The following ZBTB7C variants were observed in gnomAD, a reference collection of about 807,000 sequenced individuals.
ZBTB7C encodes the protein zinc finger and BTB domain-containing protein 7C.
In ZBTB7C, 8 loss-of-function variants were observed where a neutral mutation model predicts 25.7. The ratio of observed to expected loss-of-function variants is 0.31; its 90% CI spans 0.18 to 0.56. The LOEUF (loss-of-function observed/expected upper bound fraction) is 0.56, where lower values mean the gene tolerates loss of function less well. ZBTB7C is among the 20% of genes least tolerant of loss of function. ZBTB7C has a pLI of 0.91. For synonymous variants in ZBTB7C, 394 were observed against 369.0 expected (o/e 1.07, Z -0.78); for missense variants, 824 against 855.2 (o/e 0.96, Z 0.46).
chr18:48,108,081 C>A (rs191831885), intron 3 of ZBTB7C, among the ~76,000 whole-genome samples: 100 of 152,296 alleles, frequency 6.6e-4, no homozygotes, highest in Non-Finnish European at 1.2e-3. Context: ...TGAGGCTGGT[C>A]TCCCAAGAGA....
At chr18:48,354,177 G>A (rs1018242789) in intron 1 of ZBTB7C, among the ~76,000 whole-genome samples, 9 of 152,148 alleles carry the variant, frequency 5.9e-5, no homozygotes, top group African/African-American at 2.2e-4. Flanking sequence ...GGTTTTTGTC[G>A]TTTTGTGGTT....
At chr18:48,125,979 G>A (rs1055291375) in intron 3 of ZBTB7C, among the ~76,000 whole-genome samples, 10 of 152,230 alleles carry the variant, frequency 6.6e-5, no homozygotes, top group Non-Finnish European at 5.9e-5. Context: ...GGCAGGGTCA[G>A]TAGAGAAGCA....
At chr18:48,332,400 T>A (rs1258066777) in intron 2 of ZBTB7C, among the ~76,000 whole-genome samples, 1 of 152,178 alleles carries the variant, frequency 6.6e-6, no homozygotes, top group African/African-American at 2.4e-5. Flanking sequence ...TGTCCTCCCT[T>A]TCACATGGCA....
At chr18:48,180,386 C>T (rs1229888339) in intron 3 of ZBTB7C, 1 of 456,402 alleles carries the variant, frequency 2.2e-6, no homozygotes, top group South Asian at 1.5e-5. Context: ...CTGGTGATTA[C>T]CACGGTAATC....
intron 2 of ZBTB7C, among the ~76,000 whole-genome samples, chr18:48,223,220 T>C (rs11874677): frequency 1.1e-4 from 16 of 152,224 alleles, no homozygotes; most frequent in African/African-American, 3.9e-4. Flanking sequence ...GACCCAGGAA[T>C]CTGGAGACCT....
chr18:48,180,389 C>T (rs545948459), intron 3 of ZBTB7C: 148 of 456,306 alleles, frequency 3.2e-4, no homozygotes, highest in African/African-American at 2.5e-3. Flanking sequence ...GTGATTACCA[C>T]GGTAATCAGG....
At position 48,332,385 on chromosome 18, in the gene ZBTB7C, T is replaced by C. The variant is rs187641170; in HGVS notation, c.-79+5789A>G. On this transcript the variant is annotated intron_variant, in intron 2 of 4. Coordinates refer to ENST00000590800, the MANE Select transcript of ZBTB7C (RefSeq NM_001318841.2). ...CATGGCAAGAAAACATTATGGTCGG[T>C]GCAGTGTCCTCCCTTTCACATGGCA... Among the ~76,000 whole-genome samples the C allele has an allele frequency of 2.4e-4, 37 of 152,324 alleles. No individual in the cohort carries two copies. In the East Asian group the frequency reaches 7.1e-3, roughly 29 times the overall value.
chr18:48,174,714 G>A (rs1380092483), intron 3 of ZBTB7C, among the ~76,000 whole-genome samples: 1 of 152,214 alleles, frequency 6.6e-6, no homozygotes, highest in Non-Finnish European at 1.5e-5. Context: ...AAAGAGTGAG[G>A]AAGACCTCTA....
At chr18:48,370,473 T>C (rs1024310494) in intron 1 of ZBTB7C, among the ~76,000 whole-genome samples, 1 of 152,194 alleles carries the variant, frequency 6.6e-6, no homozygotes, top group African/African-American at 2.4e-5. Context: ...AGAATCCTTG[T>C]AGTGATGAAA....
At chr18:48,342,832 T>C (rs2046636613) in intron 1 of ZBTB7C, among the ~76,000 whole-genome samples, 1 of 152,098 alleles carries the variant, frequency 6.6e-6, no homozygotes, top group African/African-American at 2.4e-5. Context: ...GGGAGGTGCT[T>C]TCAAGTGTTG....
At chr18:48,400,201 C>T (rs1434798122) in intron 1 of ZBTB7C, among the ~76,000 whole-genome samples, 1 of 152,190 alleles carries the variant, frequency 6.6e-6, no homozygotes, top group Non-Finnish European at 1.5e-5. Flanking sequence ...TATAAATGGT[C>T]CAGACAGAAC....
At chr18:48,059,649 CT>C (rs2037051202) in intron 3 of ZBTB7C, among the ~76,000 whole-genome samples, 1 of 152,214 alleles carries the variant, frequency 6.6e-6, no homozygotes, top group African/African-American at 2.4e-5. Context: ...GCCCCACACC[CT>C]TTTCAAAGAT....
At chr18:48,308,526 G>T (rs2045735330) in intron 2 of ZBTB7C, among the ~76,000 whole-genome samples, 1 of 152,088 alleles carries the variant, frequency 6.6e-6, no homozygotes, top group Non-Finnish European at 1.5e-5. Context: ...TACTAGGCTG[G>T]GTCCTCTCAG....
chr18:48,290,966 T>A (rs73955678), intron 2 of ZBTB7C, among the ~76,000 whole-genome samples: 1 of 152,252 alleles, frequency 6.6e-6, no homozygotes. Context: ...CTCTAGGCTC[T>A]ATAAAATGAG....
intron 3 of ZBTB7C, among the ~76,000 whole-genome samples, chr18:48,124,289 T>C (rs1165113039): frequency 2.0e-5 from 3 of 152,182 alleles, no homozygotes; most frequent in African/African-American, 2.4e-5. Context: ...GGGTCCCTCA[T>C]GTGAATGTAT....
intron 2 of ZBTB7C, among the ~76,000 whole-genome samples, chr18:48,336,662 C>T (rs749073825): frequency 5.9e-5 from 9 of 152,296 alleles, no homozygotes; most frequent in East Asian, 1.9e-4. Flanking sequence ...GTCCCTGGCT[C>T]TTTCTGGTCT....
At position 48,389,936 on chromosome 18, in the gene ZBTB7C, A is replaced by G. The variant is rs139873769; in HGVS notation, c.-304+19290T>C. 4.3e-3 allele frequency among the ~76,000 whole-genome samples: 653 copies of G among 152,306 alleles called. 9 individuals carry two copies. The highest frequency in any genetic ancestry group is 0.015 in the African/African-American group (615 of 41,550). On this transcript the variant is annotated intron_variant, in intron 1 of 4. Coordinates refer to ENST00000590800, the MANE Select transcript of ZBTB7C (RefSeq NM_001318841.2). ...CCATCTCCACATCAGGAGATGTCCT[A>G]TACTTAGCTGGTGTCAGAGGATTTC...
At chr18:48,124,852 T>C (rs1431992331) in intron 3 of ZBTB7C, among the ~76,000 whole-genome samples, 4 of 152,174 alleles carry the variant, frequency 2.6e-5, no homozygotes, top group Admixed American at 2.6e-4. Context: ...CTTGCAGTTT[T>C]CCCCTCTCTC....
intron 3 of ZBTB7C, among the ~76,000 whole-genome samples, chr18:48,154,539 T>C (rs1372221573): frequency 1.3e-5 from 2 of 152,240 alleles, no homozygotes; most frequent in East Asian, 3.9e-4. Flanking sequence ...AAGGGTTCCC[T>C]CTCCCGACTT....
Sources: gnomAD v4.1 joint callset for allele counts (sites outside exome capture counted in the v4.1 genomes callset) on GRCh38, gnomAD v4.1.1 for gene constraint, MANE v1.5 for transcripts, NCBI Gene and HGNC (gene_info 2026-07-23, HGNC 2026-07-21) for gene names.